The following RXRA variants were observed in gnomAD, a reference collection of about 807,000 sequenced individuals.
The protein encoded by RXRA is retinoic acid receptor RXR-alpha.
Under a neutral mutation model 44.5 loss-of-function variants are expected in RXRA, and 5 were observed. The ratio of observed to expected loss-of-function variants is 0.11; its 90% CI spans 0.06 to 0.24. The LOEUF is 0.24. Ranked by LOEUF, RXRA falls within the 10% of genes least tolerant of loss-of-function variation. The probability of loss-of-function intolerance (pLI) is 1.00; values close to 1 mark genes in which losing one functional copy is unlikely to be tolerated. For missense variants in RXRA, 412 were observed against 646.5 expected (o/e 0.64, Z 3.93); for synonymous variants, 291 against 271.4 (o/e 1.07, Z -0.71).
chr9:134,375,729 G>A (rs974788677), intron 1 of RXRA, among the ~76,000 whole-genome samples: 4 of 152,086 alleles, frequency 2.6e-5, no homozygotes, highest in African/African-American at 9.7e-5. Flanking sequence ...TGAGGGCTGG[G>A]GTGAGGGCGA....
chr9:134,439,827 A>G lies in RXRA; in HGVS notation c.*3213A>G, dbSNP rs369932302. On this transcript the variant is annotated 3_prime_UTR_variant, in exon 10 of 10. Transcript: ENST00000481739. ...TTACCAGTGTTTTGTGTTTATTTTT[A>G]ATCAAGACGTTTCCCCTGTTTTCCT... The G allele has an allele frequency of 3.0e-4, 45 of 152,364 alleles. No individual in the cohort carries two copies. The highest frequency in any genetic ancestry group is 1.0e-3 in the African/African-American group (43 of 41,560). 9.4% of individuals were successfully genotyped at this position (152,364 alleles called of 1,614,324 possible). A position where few individuals can be genotyped will look rare whatever the true frequency, so the allele number is the denominator to read the frequency against.
At chr9:134,337,078 G>T (rs564523127) in intron 1 of RXRA, among the ~76,000 whole-genome samples, 2 of 152,188 alleles carry the variant, frequency 1.3e-5, no homozygotes, top group Non-Finnish European at 2.9e-5. Flanking sequence ...AGTGCTCAGC[G>T]TGTTGGAGAT....
chr9:134,370,739 A>C (rs1255889344), intron 1 of RXRA, among the ~76,000 whole-genome samples: 1 of 151,972 alleles, frequency 6.6e-6, no homozygotes, highest in Non-Finnish European at 1.5e-5. Flanking sequence ...CACCCCATGC[A>C]GTTCGCTGTG....
intron 2 of RXRA, chr9:134,403,135 A>T (rs147172118): frequency 4.1e-4 from 62 of 152,456 alleles, no homozygotes; most frequent in African/African-American, 1.4e-3. Context: ...CTGACCTAGG[A>T]CTGGGCTGTA....
Position 134,417,295 on chromosome 9 carries a change from G to C in RXRA, c.748G>C (p.Val250Leu). The C allele has an allele frequency of 6.2e-7, 1 of 1,613,774 alleles. No homozygotes were observed. The highest frequency in any genetic ancestry group is 1.1e-5 in the South Asian group (1 of 91,086). The stretch of plus-strand genomic sequence containing the variant: ...CGTGGAGCCCAAGACCGAGACCTAC[G>C]TGGAGGCAAACATGGGGCTGAACCC... Reference protein sequence around the residue: ...LAVEPKTETYVEANMGLNPSS... With the variant: ...LAVEPKTETYLEANMGLNPSS... Residue 250 changes from valine to leucine, a missense_variant, in exon 5 of 10, where the codon GTG (valine) becomes CTG (leucine). By Grantham distance (32) the Val-to-Leu change is conservative. Around this residue, in one of 4 missense-constraint regions of RXRA, gnomAD observed 67 missense variants for 78.7 expected, o/e 0.85. Coordinates refer to ENST00000481739, the MANE Select transcript of RXRA (RefSeq NM_002957.6). This position sits in a 1 kb window ranked among gnomAD's most constrained non-coding sequence, Gnocchi z 6.1.
intron 1 of RXRA, among the ~76,000 whole-genome samples, chr9:134,328,591 T>C (rs1049910177): frequency 6.6e-6 from 1 of 152,114 alleles, no homozygotes; most frequent in South Asian, 2.1e-4. Context: ...TTACATTTTA[T>C]TTTTTTTCTA....
At chr9:134,434,032 T>G in intron 8 of RXRA, 70 bp from the exon 9 acceptor site, 2 of 1,193,944 alleles carry the variant, frequency 1.7e-6, no homozygotes, top group South Asian at 2.6e-5. Flanking sequence ...CACACAAGCC[T>G]GGGTCCTGGG....
At chr9:134,418,552 G>A (rs1408269423) in intron 5 of RXRA, among the ~76,000 whole-genome samples, 1 of 152,160 alleles carries the variant, frequency 6.6e-6, no homozygotes, top group East Asian at 1.9e-4. Context: ...ACCCCCCAGG[G>A]CCTTCGTGCT....
Position 134,343,705 on chromosome 9 carries a change from G to A in RXRA, c.28+17046G>A, listed in dbSNP as rs1403778895. Among the ~76,000 whole-genome samples, 1 of 152,116 alleles carries A rather than the reference G, an allele frequency of 6.6e-6. No homozygotes were observed. Among genetic ancestry groups the A allele is most frequent in the South Asian group, 2.1e-4 (1 of 4,832 alleles). ...CCGTGTGCACTTGGTGGACTGCCAC[G>A]GGCCTGGGGGCCTCGGGACCAACCC... is the stretch of plus-strand genomic sequence containing the variant. On this transcript the variant is annotated intron_variant, in intron 1 of 9. Transcript: ENST00000481739. The surrounding 1 kb of genome is among the most constrained non-coding windows in gnomAD (Gnocchi z 4.1).
At chr9:134,423,305 A>C (rs1313179315) in intron 6 of RXRA, 1 of 985,336 alleles carries the variant, frequency 1.0e-6, no homozygotes, top group Non-Finnish European at 1.2e-6. Flanking sequence ...CAAGAAGCCA[A>C]GCTCCCTTAG....
chr9:134,354,812 A>G (rs782662427), intron 1 of RXRA, among the ~76,000 whole-genome samples: 3 of 152,156 alleles, frequency 2.0e-5, no homozygotes. Flanking sequence ...CCAGGCTGCA[A>G]TTGTCCTCGT....
chr9:134,344,110 G>T (rs1264056788), intron 1 of RXRA, among the ~76,000 whole-genome samples: 2 of 152,226 alleles, frequency 1.3e-5, no homozygotes, highest in African/African-American at 2.4e-5. Flanking sequence ...ATCCTTGTAG[G>T]CCTGAGTCCA....
chr9:134,411,020 G>A (rs1831139721), intron 4 of RXRA, among the ~76,000 whole-genome samples: 1 of 152,224 alleles, frequency 6.6e-6, no homozygotes, highest in Non-Finnish European at 1.5e-5. Context: ...CGGGCACCCG[G>A]TGAGACGCAG....
At chr9:134,368,839 CAT>C (rs2119075093) in intron 1 of RXRA, among the ~76,000 whole-genome samples, 1 of 136,196 alleles carries the variant, frequency 7.3e-6, no homozygotes, top group Admixed American at 8.0e-5. Context: ...TGTGTGACTG[CAT>C]ATGTGTGTGT....
intron 1 of RXRA, among the ~76,000 whole-genome samples, chr9:134,393,992 A>G (rs541168639): frequency 2.0e-5 from 3 of 151,422 alleles, no homozygotes; most frequent in Non-Finnish European, 4.4e-5. Context: ...AGGACCCAAA[A>G]CACCATCCCC....
chr9:134,423,447 G>T lies in RXRA; in HGVS notation c.910+1642G>T, dbSNP rs12349076. The T allele has an allele frequency of 4.1e-6, 4 of 985,348 alleles. No individual in the cohort carries two copies. In the African/African-American group the frequency reaches 7.0e-5, roughly 17 times the overall value. The allele number at this position is 985,348 out of a possible 1,614,324, so 61.0% of individuals were successfully genotyped here. On this transcript the variant is annotated intron_variant, in intron 6 of 9. Transcript: ENST00000481739. ...GTGGAGAAGACACAGCCAGAGACGGGCTCCCTGTGAAGCAGGGAATGTTCT... is the reference window on the plus strand; with the variant it reads ...GTGGAGAAGACACAGCCAGAGACGGTCTCCCTGTGAAGCAGGGAATGTTCT...
At chr9:134,392,805 C>T (rs1294832250) in intron 1 of RXRA, among the ~76,000 whole-genome samples, 1 of 152,170 alleles carries the variant, frequency 6.6e-6, no homozygotes, top group Non-Finnish European at 1.5e-5. Context: ...GTGCGGGTTG[C>T]ACCTTGGGGA....
chr9:134,391,836 C>T (rs2119123347), intron 1 of RXRA, among the ~76,000 whole-genome samples: 1 of 152,356 alleles, frequency 6.6e-6, no homozygotes, highest in Admixed American at 6.5e-5. Flanking sequence ...CCCGGCAGCT[C>T]TTGTTCCGGG....
At chr9:134,376,653 T>C (rs201321492) in intron 1 of RXRA, among the ~76,000 whole-genome samples, 1 of 11,620 alleles carries the variant, frequency 8.6e-5, no homozygotes, top group African/African-American at 2.2e-4. Context: ...AGACCTGTGC[T>C]GGCTGGTGCA....
Sources: gnomAD v4.1 joint callset for allele counts (sites outside exome capture counted in the v4.1 genomes callset) on GRCh38, gnomAD v4.1.1 for gene constraint, gnomAD v4.1.1 regional missense constraint, Gnocchi (gnomAD v3.1) non-coding constraint, MANE v1.5 for transcripts, NCBI Gene and HGNC (gene_info 2026-07-23, HGNC 2026-07-21) for gene names.